LAPTM4B: variants seen among roughly 807,000 people sequenced by gnomAD.
LAPTM4B encodes lysosomal-associated transmembrane protein 4B.
In LAPTM4B, 26 loss-of-function variants were observed where a neutral mutation model predicts 28.5. The observed-to-expected ratio is 0.91, with a 90% CI of 0.67 to 1.27. The LOEUF (loss-of-function observed/expected upper bound fraction) is 1.27. Among genes scored for constraint, LAPTM4B ranks in the 50% most tolerant of loss-of-function variants. LAPTM4B has a pLI of 0.00. For synonymous variants in LAPTM4B, 109 were observed against 106.4 expected (o/e 1.02, Z -0.15); for missense variants, 288 against 285.8 (o/e 1.01, Z -0.06).
In LAPTM4B at chr8:97,816,888, C is replaced by G. The variant is rs1445764435; in HGVS notation, c.408+708C>G. Among the ~76,000 whole-genome samples the G allele has an allele frequency of 2.0e-5, 3 of 151,812 alleles. No individual in the cohort carries two copies. In the East Asian group the frequency reaches 5.8e-4, roughly 29 times the overall value. ...CTGGGAGGTGGAGGCTGCAGTGAGC[C>G]AAGATCACGCCACTGCACTCCAGCC... On this transcript the variant is annotated intron_variant, in intron 4 of 6. Transcript: ENST00000521545.
chr8:97,816,038 C>G lies in LAPTM4B; in HGVS notation c.286-20C>G. 6.3e-7 allele frequency: 1 copy of G among 1,581,140 alleles called. No homozygotes were observed. Among genetic ancestry groups the G allele is most frequent in the Non-Finnish European group, 8.6e-7 (1 of 1,168,150 alleles). On this transcript the variant is annotated intron_variant, in intron 3 of 6. Transcript: ENST00000521545. ...TTATAATATTGAACACATTAACTTT[C>G]TATTTTCTGTTCTGTTTAGCAACGC...
chr8:97,812,218 T>G (rs201351728), intron 2 of LAPTM4B, among the ~76,000 whole-genome samples: 1 of 23,620 alleles, frequency 4.2e-5, no homozygotes. Context: ...TTTTTTTTTG[T>G]TGTTTTTTGT....
At chr8:97,829,249 T>TTTA (rs1262948228) in intron 6 of LAPTM4B, among the ~76,000 whole-genome samples, 1 of 152,164 alleles carries the variant, frequency 6.6e-6, no homozygotes. Flanking sequence ...TTCACTGTTA[T>TTTA]TTATAAGACT....
chr8:97,788,579 A>G (rs1292173765), intron 1 of LAPTM4B, among the ~76,000 whole-genome samples: 1 of 152,084 alleles, frequency 6.6e-6, no homozygotes, highest in African/African-American at 2.4e-5. Flanking sequence ...CCCAAAGTAC[A>G]CAGCCCATCA....
chr8:97,839,993 A>G (rs1294384134), intron 6 of LAPTM4B, among the ~76,000 whole-genome samples: 2 of 152,102 alleles, frequency 1.3e-5, no homozygotes, highest in African/African-American at 4.8e-5. Context: ...TTTTCAGCCC[A>G]TGTTCTGTGG....
chr8:97,825,104 G>A lies in LAPTM4B; in HGVS notation c.554G>A (p.Gly185Asp), dbSNP rs774809732. ...CVWNCYRYINGRNSSDVLVYV... is the reference protein window; with the variant it reads ...CVWNCYRYINDRNSSDVLVYV... ...TGGAACTGCTACCGATACATCAATG[G>A]TAGGAACTCCTCTGATGTCCTGGTT... is the stretch of plus-strand genomic sequence containing the variant. The change falls in exon 6 of 7, where the codon GGT becomes GAT. Residue 185 changes from glycine (G) to aspartate (D), a missense_variant. Gly to Asp is a moderately conservative substitution (Grantham distance 94). Coordinates refer to ENST00000521545, the MANE Select transcript of LAPTM4B (RefSeq NM_018407.6). 6.2e-7 allele frequency: 1 copy of A among 1,611,860 alleles called. No individual in the cohort carries two copies. Among genetic ancestry groups the A allele is most frequent in the Non-Finnish European group, 8.5e-7 (1 of 1,178,050 alleles).
intron 6 of LAPTM4B, among the ~76,000 whole-genome samples, chr8:97,847,128 A>G (rs756884092): frequency 8.5e-5 from 13 of 152,228 alleles, no homozygotes; most frequent in Admixed American, 2.6e-4. Context: ...ATATAGATAG[A>G]GAGCAGTCTT....
chr8:97,777,756 A>T (rs1816249475), intron 1 of LAPTM4B, among the ~76,000 whole-genome samples: 1 of 152,250 alleles, frequency 6.6e-6, no homozygotes, highest in Admixed American at 6.5e-5. Flanking sequence ...TCAGCATATT[A>T]GCTAAACTTC....
intron 1 of LAPTM4B, among the ~76,000 whole-genome samples, chr8:97,783,099 C>T (rs113690787): frequency 6.8e-5 from 9 of 132,196 alleles, no homozygotes; most frequent in South Asian, 2.4e-4. Flanking sequence ...TTTAAATATC[C>T]TTGTTCAGTT....
At chr8:97,810,588 G>A (rs532477561) in intron 2 of LAPTM4B, among the ~76,000 whole-genome samples, 183 of 152,316 alleles carry the variant, frequency 1.2e-3, no homozygotes, top group African/African-American at 4.1e-3. Context: ...AGCTCAAAGA[G>A]TAATGTTTGA....
At chr8:97,820,201 A>G (rs145488857) in intron 5 of LAPTM4B, among the ~76,000 whole-genome samples, 477 of 152,090 alleles carry the variant, frequency 3.1e-3, no homozygotes, top group Non-Finnish European at 5.4e-3. Context: ...TGTTTATAAA[A>G]CCATCATTAT....
At chr8:97,830,073 G>A (rs1025618845) in intron 6 of LAPTM4B, among the ~76,000 whole-genome samples, 9 of 152,156 alleles carry the variant, frequency 5.9e-5, no homozygotes, top group African/African-American at 1.9e-4. Context: ...GTTTGGAGGT[G>A]TAAGGAGATG....
At position 97,851,433 on chromosome 8, in the gene LAPTM4B, G is replaced by A; in HGVS notation, c.640G>A (p.Gly214Ser). 1 of 1,614,112 alleles carries A rather than the reference G, an allele frequency of 6.2e-7. No homozygotes were observed. Among genetic ancestry groups the A allele is most frequent in the South Asian group, 1.1e-5 (1 of 91,074 alleles). The change falls in exon 7 of 7, where the codon GGT becomes AGT. Residue 214 changes from glycine to serine, a missense_variant. Coordinates refer to ENST00000521545, the MANE Select transcript of LAPTM4B (RefSeq NM_018407.6). The part of the protein sequence containing the change: ...LPPYDDATVN[G>S]AAKEPPPPYV... ...CCCGTATGATGATGCCACTGTGAATGGTGCTGCCAAGGAGCCACCGCCACC... is the reference window on the plus strand; with the variant it reads ...CCCGTATGATGATGCCACTGTGAATAGTGCTGCCAAGGAGCCACCGCCACC...
Position 97,851,411 on chromosome 8 carries a change from G to A in LAPTM4B, c.618G>A (p.Pro206=), listed in dbSNP as rs147233429. 40 of 1,613,906 alleles carry A rather than the reference G, an allele frequency of 2.5e-5. No homozygotes were observed. The East Asian group carries it at 5.6e-4, about 22-fold the overall frequency. Residue 206 remains proline, a synonymous_variant, in exon 7 of 7, where the codon CCG becomes CCA. Transcript: ENST00000521545. The part of the protein sequence containing the change: ...TSNDTTVLLP[P]YDDATVNGAA... ...TTTCTTCTCAGGTGCTGCTACCCCCGTATGATGATGCCACTGTGAATGGTG... is the reference window on the plus strand; with the variant it reads ...TTTCTTCTCAGGTGCTGCTACCCCCATATGATGATGCCACTGTGAATGGTG...
intron 6 of LAPTM4B, among the ~76,000 whole-genome samples, chr8:97,837,977 A>G (rs1817287189): frequency 6.6e-6 from 1 of 152,200 alleles, no homozygotes; most frequent in South Asian, 2.1e-4. Context: ...AAAAGCCCAA[A>G]ACAAAAGTGA....
intron 1 of LAPTM4B, among the ~76,000 whole-genome samples, chr8:97,779,487 A>G (rs963577755): frequency 2.0e-5 from 3 of 152,104 alleles, no homozygotes; most frequent in Middle Eastern, 6.8e-3. Context: ...TGTCTCAAAA[A>G]AAGAAAAAAA....
intron 6 of LAPTM4B, among the ~76,000 whole-genome samples, chr8:97,838,878 A>G (rs1400786622): frequency 6.6e-6 from 1 of 152,174 alleles, no homozygotes; most frequent in Non-Finnish European, 1.5e-5. Flanking sequence ...GGCGGAAGAA[A>G]AAGAAAGGGT....
intron 6 of LAPTM4B, among the ~76,000 whole-genome samples, chr8:97,830,265 G>T (rs965545665): frequency 6.6e-6 from 1 of 152,142 alleles, no homozygotes; most frequent in Admixed American, 6.5e-5. Flanking sequence ...GCAGGAGAAC[G>T]GGAGTGAGAC....
At chr8:97,807,129 C>T (rs1816767178) in intron 2 of LAPTM4B, among the ~76,000 whole-genome samples, 2 of 152,086 alleles carry the variant, frequency 1.3e-5, no homozygotes, top group Non-Finnish European at 2.9e-5. Flanking sequence ...GTGTAGGCTC[C>T]GAAGCCAGAA....
Sources: gnomAD v4.1 joint callset for allele counts (sites outside exome capture counted in the v4.1 genomes callset) on GRCh38, gnomAD v4.1.1 for gene constraint, MANE v1.5 for transcripts, NCBI Gene and HGNC (gene_info 2026-07-23, HGNC 2026-07-21) for gene names.